Variants in SNTG1 observed in about 807,000 individuals in gnomAD.
SNTG1 encodes syntrophin gamma 1.
A neutral mutation model predicts 74.7 loss-of-function variants in SNTG1; 39 were observed. The ratio of observed to expected loss-of-function variants is 0.52; its 90% CI spans 0.40 to 0.68. The LOEUF is 0.68. Ranked by LOEUF, SNTG1 falls within the 30% of genes least tolerant of loss-of-function variation. The pLI is 0.00. For missense variants in SNTG1, 685 were observed against 609.5 expected, an observed-to-expected ratio of 1.12 and a Z score of -1.30; for synonymous variants, 254 against 217.1, an observed-to-expected ratio of 1.17 and a Z score of -1.49.
intron 8 of SNTG1, among the ~76,000 whole-genome samples, chr8:50,498,920 ATATAT>A (rs571776067): frequency 8.6e-4 from 131 of 151,808 alleles, no homozygotes; most frequent in African/African-American, 2.9e-3. Flanking sequence ...ATTTCTGGAC[ATATAT>A]TATATTAATT....
intron 12 of SNTG1, among the ~76,000 whole-genome samples, chr8:50,562,574 G>C (rs948299562): frequency 6.6e-6 from 1 of 152,120 alleles, no homozygotes; most frequent in Non-Finnish European, 1.5e-5. Context: ...TAGGACTTAT[G>C]ACCTACAGAA....
chr8:50,300,002 T>TAATA (rs2089575387), intron 2 of SNTG1, among the ~76,000 whole-genome samples: 1 of 152,312 alleles, frequency 6.6e-6, no homozygotes, highest in Non-Finnish European at 1.5e-5. Context: ...GCCTGTCACA[T>TAATA]ATTTTCAATT....
intron 15 of SNTG1, among the ~76,000 whole-genome samples, chr8:50,690,206 G>T (rs1009309273): frequency 6.6e-6 from 1 of 152,026 alleles, no homozygotes; most frequent in Non-Finnish European, 1.5e-5. Context: ...CCGGCTCCTG[G>T]ATTCATTAAT....
chr8:50,596,436 A>G (rs1207591385), intron 13 of SNTG1, among the ~76,000 whole-genome samples: 2 of 151,964 alleles, frequency 1.3e-5, no homozygotes, highest in Non-Finnish European at 2.9e-5. Context: ...TTTTATTTTT[A>G]ATCTATGATT....
intron 2 of SNTG1, among the ~76,000 whole-genome samples, chr8:50,356,925 G>A (rs1416941994): frequency 5.3e-5 from 8 of 152,176 alleles, no homozygotes; most frequent in South Asian, 4.1e-4. Context: ...CAACCTCAGC[G>A]TGACTTTTGG....
At chr8:50,639,920 A>C (rs2095061927) in intron 13 of SNTG1, among the ~76,000 whole-genome samples, 1 of 152,100 alleles carries the variant, frequency 6.6e-6, no homozygotes, top group Admixed American at 6.6e-5. Flanking sequence ...TACTTTTTTC[A>C]GGACCAGTTA....
chr8:50,471,673 G>A (rs907936189), intron 8 of SNTG1, among the ~76,000 whole-genome samples: 1 of 152,198 alleles, frequency 6.6e-6, no homozygotes, highest in Non-Finnish European at 1.5e-5. Context: ...AATGTTTGTA[G>A]CAGGTTTATT....
intron 2 of SNTG1, among the ~76,000 whole-genome samples, chr8:50,335,395 G>T (rs530728592): frequency 1.3e-5 from 2 of 152,116 alleles, no homozygotes; most frequent in African/African-American, 4.8e-5. Flanking sequence ...CCTGTTCAAG[G>T]CTCCGGAGAA....
At chr8:50,221,887 T>C (rs2085088426) in intron 2 of SNTG1, among the ~76,000 whole-genome samples, 1 of 152,204 alleles carries the variant, frequency 6.6e-6, no homozygotes, top group Admixed American at 6.5e-5. Context: ...GCCAGCTAAA[T>C]GGGAGACCAG....
chr8:50,533,032 C>G (rs1050560805), intron 10 of SNTG1, among the ~76,000 whole-genome samples: 1 of 152,160 alleles, frequency 6.6e-6, no homozygotes, highest in Non-Finnish European at 1.5e-5. Flanking sequence ...CATCATTCCA[C>G]TATCCTACAT....
chr8:50,559,854 A>T (rs961857846), intron 12 of SNTG1, among the ~76,000 whole-genome samples: 3 of 152,194 alleles, frequency 2.0e-5, no homozygotes, highest in Non-Finnish European at 2.9e-5. Flanking sequence ...CAATTGCAAC[A>T]AAAGCAAAAA....
chr8:50,301,397 C>T (rs1034096035), intron 2 of SNTG1, among the ~76,000 whole-genome samples: 3 of 152,006 alleles, frequency 2.0e-5, no homozygotes, highest in Admixed American at 1.3e-4. Context: ...TTTTGAATTC[C>T]AGAATTTCAA....
intron 15 of SNTG1, among the ~76,000 whole-genome samples, chr8:50,674,540 T>C (rs184532740): frequency 1.5e-4 from 23 of 152,132 alleles, no homozygotes; most frequent in Admixed American, 1.3e-4. Flanking sequence ...CCTTTTTTTG[T>C]TGTGTTTATT....
intron 2 of SNTG1, among the ~76,000 whole-genome samples, chr8:50,281,623 T>A (rs2088460056): frequency 6.6e-6 from 1 of 152,148 alleles, no homozygotes; most frequent in Non-Finnish European, 1.5e-5. Context: ...CTGGAAGAAT[T>A]CCGAATCCAG....
At chr8:49,998,999 A>G (rs1814498623) in intron 1 of SNTG1, among the ~76,000 whole-genome samples, 1 of 152,098 alleles carries the variant, frequency 6.6e-6, no homozygotes, top group African/African-American at 2.4e-5. Context: ...TGTGTAATGC[A>G]TTGCTTGACA....
At chr8:50,499,943 A>C (rs2093936729) in intron 8 of SNTG1, among the ~76,000 whole-genome samples, 2 of 152,038 alleles carry the variant, frequency 1.3e-5, no homozygotes, top group African/African-American at 2.4e-5. Flanking sequence ...TGTTTACATA[A>C]GTCCTTTATC....
chr8:50,581,115 A>G (rs984265146), intron 12 of SNTG1, among the ~76,000 whole-genome samples: 3 of 152,248 alleles, frequency 2.0e-5, no homozygotes, highest in Non-Finnish European at 4.4e-5. Context: ...TAGAAGGTCA[A>G]ACCTAAAATA....
At chr8:50,487,018 A>T (rs1245084602) in intron 8 of SNTG1, among the ~76,000 whole-genome samples, 2 of 152,178 alleles carry the variant, frequency 1.3e-5, no homozygotes, top group Admixed American at 1.3e-4. Flanking sequence ...ATCATGGTGG[A>T]TAAGCTTTTT....
chr8:50,572,275 T>TATATATAG (rs567247331), intron 12 of SNTG1, among the ~76,000 whole-genome samples: 58 of 148,370 alleles, frequency 3.9e-4, no homozygotes, highest in African/African-American at 1.4e-3. Flanking sequence ...TATATATATA[T>TATATATAG]AGAGAGAGAG....
Sources: gnomAD v4.1 joint callset for allele counts (sites outside exome capture counted in the v4.1 genomes callset) on GRCh38, gnomAD v4.1.1 for gene constraint, MANE v1.5 for transcripts, NCBI Gene and HGNC (gene_info 2026-07-23, HGNC 2026-07-21) for gene names.